Variants in MSN observed in about 807,000 individuals in gnomAD.
The protein encoded by MSN is moesin.
In MSN, 2 loss-of-function variants were observed where a neutral mutation model predicts 48.0. The observed-to-expected ratio is 0.04, with a 90% CI of 0.02 to 0.13. The LOEUF is 0.13. Among genes scored for constraint, MSN ranks in the 10% least tolerant of loss-of-function variants. The pLI is 1.00. For missense variants in MSN, 267 were observed against 470.1 expected, an observed-to-expected ratio of 0.57 and a Z score of 3.99; for synonymous variants, 146 against 166.9, an observed-to-expected ratio of 0.87 and a Z score of 0.97.
At chrX:65,615,971 C>T (rs2070367400) in intron 1 of MSN, among the ~76,000 whole-genome samples, 1 of 111,131 alleles carries the variant, frequency 9.0e-6, no homozygotes, top group Admixed American at 9.6e-5. Context: ...GAACCCTTTC[C>T]CCATTGCTTG....
chrX:65,596,577 A>C (rs1365093771), intron 1 of MSN, among the ~76,000 whole-genome samples: 1 of 109,345 alleles, frequency 9.1e-6, no homozygotes, highest in Non-Finnish European at 1.9e-5. Context: ...GTTTTGTCAA[A>C]GCTCTTTCCT....
At chrX:65,622,833 T>C (rs375862633) in intron 1 of MSN, among the ~76,000 whole-genome samples, 1 of 111,812 alleles carries the variant, frequency 8.9e-6, no homozygotes, top group Non-Finnish European at 1.9e-5. Context: ...TTGTTCTTGA[T>C]CTTAAAGGGG....
chrX:65,631,745 G>A (rs776896257), intron 1 of MSN, among the ~76,000 whole-genome samples: 3 of 111,742 alleles, frequency 2.7e-5, no homozygotes, highest in Non-Finnish European at 5.6e-5. Flanking sequence ...CATGATCATG[G>A]CGCACTGCAG....
chrX:65,693,533 T>A (rs1569463210), intron 1 of MSN, among the ~76,000 whole-genome samples: 1 of 111,892 alleles, frequency 8.9e-6, no homozygotes, highest in Non-Finnish European at 1.9e-5. Flanking sequence ...CAGGTGATAA[T>A]TAATGGTGAG....
intron 1 of MSN, among the ~76,000 whole-genome samples, chrX:65,623,915 T>C (rs747684733): frequency 9.9e-5 from 11 of 110,732 alleles, no homozygotes; most frequent in African/African-American, 3.3e-4. Context: ...CTGCTTGTTA[T>C]AGGTAGGTTA....
At position 65,668,190 on chromosome X, in the gene MSN, T is replaced by C. The variant is rs765553243; in HGVS notation, c.12+337T>C. ...GCCATGGGCACAGAGGAGAGGATTC[T>C]GGTCCAGAAGACAACACTTTCCCCA... On this transcript the variant is annotated intron_variant, in intron 1 of 12. Transcript: ENST00000360270. Among the ~76,000 whole-genome samples the C allele has an allele frequency of 2.7e-5, 3 of 112,847 alleles. No individual in the cohort carries two copies. The Admixed American group carries it at 2.8e-4, about 11-fold the overall frequency.
At chrX:65,729,238 A>C (rs1569467689) in intron 3 of MSN, among the ~76,000 whole-genome samples, 200 bp from the exon 4 acceptor site, 2 of 111,759 alleles carry the variant, frequency 1.8e-5, no homozygotes, top group East Asian at 2.8e-4. Flanking sequence ...AGAAATTCCC[A>C]ACAGAAAGTG....
intron 1 of MSN, among the ~76,000 whole-genome samples, chrX:65,703,862 A>T (rs780354515): frequency 3.6e-5 from 4 of 112,033 alleles, no homozygotes; most frequent in Admixed American, 1.9e-4. Flanking sequence ...ATGAGCCACC[A>T]CGCTCAGCTG....
chrX:65,728,718 C>G (rs998584437), intron 3 of MSN, among the ~76,000 whole-genome samples: 3 of 111,760 alleles, frequency 2.7e-5, no homozygotes, highest in African/African-American at 9.7e-5. Context: ...AGATGTTTCC[C>G]TCTTTCTTGA....
chrX:65,617,856 T>A (rs1486799935), intron 1 of MSN, among the ~76,000 whole-genome samples: 1 of 110,589 alleles, frequency 9.0e-6, no homozygotes, highest in African/African-American at 3.3e-5. Flanking sequence ...TGCTATAAAT[T>A]TCCCTCTACA....
At position 65,727,709 on chromosome X, in the gene MSN, C is replaced by A. The variant is rs113106787; in HGVS notation, c.97-105C>A. 2,366 of 621,151 alleles carry A rather than the reference C, an allele frequency of 3.8e-3. 54 individuals are homozygous for A. The African/African-American group carries it at 0.046, about 12-fold the overall frequency. The allele number at this position is 621,151 out of a possible 1,213,427, so 51.2% of individuals were successfully genotyped here. On this transcript the variant is annotated intron_variant, in intron 2 of 12. Coordinates refer to ENST00000360270, the MANE Select transcript of MSN (RefSeq NM_002444.3). ...CTTGCCAGATGCTGAGCACCTTAAA[C>A]CCTTTAAGGGCAGATATAATATTGA... is the stretch of plus-strand genomic sequence containing the variant.
chrX:65,679,805 G>C (rs1044949923), intron 1 of MSN, among the ~76,000 whole-genome samples: 16 of 112,637 alleles, frequency 1.4e-4, no homozygotes, highest in Admixed American at 1.1e-3. Context: ...CCTGCTCTGA[G>C]CCCCCTGGAG....
chrX:65,591,085 A>C (rs957367178), intron 1 of MSN, among the ~76,000 whole-genome samples: 2 of 110,836 alleles, frequency 1.8e-5, no homozygotes, highest in East Asian at 5.7e-4. Context: ...CATTCTCTCT[A>C]TGTCCTCAAG....
chrX:65,613,089 T>C, intron 1 of MSN, among the ~76,000 whole-genome samples: 1 of 111,310 alleles, frequency 9.0e-6, no homozygotes, highest in Admixed American at 9.6e-5. Flanking sequence ...TGTGTTCTCA[T>C]TGTTCAATTC....
chrX:65,619,873 C>CA, intron 1 of MSN, among the ~76,000 whole-genome samples: 1 of 109,517 alleles, frequency 9.1e-6, no homozygotes. Flanking sequence ...TGGTGATGTA[C>CA]AGATGGGTTT....
chrX:65,699,656 G>A (rs1308884496), intron 1 of MSN, among the ~76,000 whole-genome samples: 1 of 107,742 alleles, frequency 9.3e-6, no homozygotes, highest in Admixed American at 1.0e-4. Flanking sequence ...GGCTGAGGCA[G>A]GAGAATGGCG....
chrX:65,664,874 C>T (rs1024042346), upstream of MSN, among the ~76,000 whole-genome samples: 9 of 109,490 alleles, frequency 8.2e-5, no homozygotes, highest in Admixed American at 8.8e-4. Context: ...CTCAGCCTCT[C>T]GAGTAGCTGG....
At chrX:65,606,215 C>T (rs1001261915) in intron 1 of MSN, among the ~76,000 whole-genome samples, 12 of 108,685 alleles carry the variant, frequency 1.1e-4, no homozygotes, top group African/African-American at 3.4e-4. Context: ...CTGCAACCTC[C>T]GCCTCCTGGG....
chrX:65,648,880 A>AAAATAAAAT (rs1426404264), intron 1 of MSN, among the ~76,000 whole-genome samples: 1 of 109,461 alleles, frequency 9.1e-6, no homozygotes, highest in Non-Finnish European at 1.9e-5. Context: ...AAAATAAAAT[A>AAAATAAAAT]AAATAAAATA....
Sources: gnomAD v4.1 joint callset for allele counts (sites outside exome capture counted in the v4.1 genomes callset) on GRCh38, gnomAD v4.1.1 for gene constraint, MANE v1.5 for transcripts, NCBI Gene and HGNC (gene_info 2026-07-23, HGNC 2026-07-21) for gene names.